Variants in ATP2B1 observed in about 807,000 individuals in gnomAD.
ATP2B1 encodes the protein ATPase plasma membrane Ca2+ transporting 1.
In ATP2B1, 14 loss-of-function variants were observed where a neutral mutation model predicts 124.2. The ratio of observed to expected loss-of-function variants is 0.11; its 90% CI spans 0.07 to 0.18. The LOEUF (loss-of-function observed/expected upper bound fraction) is 0.18, where lower values mean the gene tolerates loss of function less well. ATP2B1 is among the 10% of genes least tolerant of loss of function. The pLI, the probability that ATP2B1 is intolerant of heterozygous loss-of-function variation, is 1.00. For synonymous variants in ATP2B1, 449 were observed against 492.4 expected, an observed-to-expected ratio of 0.91 and a Z score of 1.17; for missense variants, 763 against 1,466.1, an observed-to-expected ratio of 0.52 and a Z score of 7.83.
chr12:89,624,052 T>C, intron 9 of ATP2B1, 131 bp downstream of exon 9: 1 of 795,152 alleles, frequency 1.3e-6, no homozygotes, highest in Non-Finnish European at 2.0e-6. Flanking sequence ...ACAACATTTC[T>C]AGAGAAAATA....
intron 2 of ATP2B1, among the ~76,000 whole-genome samples, chr12:89,650,911 A>AC (rs1240620768): frequency 6.6e-6 from 1 of 152,204 alleles, no homozygotes; most frequent in Non-Finnish European, 1.5e-5. Flanking sequence ...AAGATACAGA[A>AC]GAAAAAAAAA....
chr12:89,610,728 T>C (rs1399739520), intron 13 of ATP2B1: 2 of 493,282 alleles, frequency 4.1e-6, no homozygotes, highest in Admixed American at 7.4e-5. Flanking sequence ...ATAATCTTGC[T>C]AGGTGACTTT....
chr12:89,658,559 T>C (rs752393355), intron 1 of ATP2B1, among the ~76,000 whole-genome samples: 1 of 148,800 alleles, frequency 6.7e-6, no homozygotes, highest in Non-Finnish European at 1.5e-5. Flanking sequence ...TGCCAATCTG[T>C]CTTTTCTCTT....
At position 89,623,366 on chromosome 12, in the gene ATP2B1, T is replaced by A. The variant is rs533080444; in HGVS notation, c.1344+817A>T. ...GTCCAAGCTACATCTTTTTTTTTTTTATTTCCAATCCACCTTTTCCGTAAG... is the reference window on the plus strand; with the variant it reads ...GTCCAAGCTACATCTTTTTTTTTTTAATTTCCAATCCACCTTTTCCGTAAG... On this transcript the variant is annotated intron_variant, in intron 9 of 20. Transcript: ENST00000428670. Among the ~76,000 whole-genome samples, 519 of 151,664 alleles carry A rather than the reference T, an allele frequency of 3.4e-3. 1 individual carries two copies. Among genetic ancestry groups the A allele is most frequent in the African/African-American group, 0.01 (418 of 41,374 alleles).
chr12:89,615,390 C>T (rs1393963023), intron 12 of ATP2B1, among the ~76,000 whole-genome samples: 3 of 152,136 alleles, frequency 2.0e-5, no homozygotes, highest in Non-Finnish European at 2.9e-5. Context: ...CCTATGAGAA[C>T]AGGGACCAAG....
chr12:89,590,966 T>C lies in ATP2B1; in HGVS notation c.*18A>G. ...GTTTCTTTACAATGCAGCTAGTGTG[T>C]TAACATTCAGCTTACAATCAGAGTG... On this transcript the variant is annotated 3_prime_UTR_variant, in exon 21 of 21. Transcript: ENST00000428670. 6.2e-7 allele frequency: 1 copy of C among 1,602,990 alleles called. No homozygotes were observed. Among genetic ancestry groups the C allele is most frequent in the Non-Finnish European group, 8.5e-7 (1 of 1,172,016 alleles).
At chr12:89,670,132 G>A (rs1887760749) in intron 1 of ATP2B1, among the ~76,000 whole-genome samples, 1 of 152,102 alleles carries the variant, frequency 6.6e-6, no homozygotes, top group African/African-American at 2.4e-5. Context: ...ACAATATTCA[G>A]GGGGAAAGCA....
chr12:89,686,459 T>C (rs1472385180), intron 1 of ATP2B1, among the ~76,000 whole-genome samples: 1 of 152,134 alleles, frequency 6.6e-6, no homozygotes, highest in Admixed American at 6.6e-5. Context: ...TATTTTACTT[T>C]GTAGTTAGAA....
chr12:89,638,804 C>A (rs981770894), intron 3 of ATP2B1, among the ~76,000 whole-genome samples: 1 of 152,132 alleles, frequency 6.6e-6, no homozygotes, highest in Non-Finnish European at 1.5e-5. Flanking sequence ...AAGATTGCCA[C>A]AATCAGTTAA....
chr12:89,613,223 C>T (rs561506344), intron 12 of ATP2B1, among the ~76,000 whole-genome samples: 56 of 152,214 alleles, frequency 3.7e-4, no homozygotes, highest in African/African-American at 1.2e-3. Context: ...TCAGGCGATC[C>T]GTCTGCCTCA....
chr12:89,636,147 G>GA lies in ATP2B1; in HGVS notation c.407-897dup, dbSNP rs932134444. Among the ~76,000 whole-genome samples, 22 of 142,754 alleles carry GA rather than the reference G, an allele frequency of 1.5e-4. No individual in the cohort carries two copies. In the South Asian group the frequency reaches 2.7e-3, roughly 18 times the overall value. The allele number at this position is 142,754 out of a possible 152,430, so 93.7% of individuals were successfully genotyped here. Reference sequence around the variant, plus strand: ...TATTGGTAGAGAACCAGCCATCTAAGAAAAAAAAAATCCAGGGAGAGATTA... The same window carrying GA: ...TATTGGTAGAGAACCAGCCATCTAAGAAAAAAAAAAATCCAGGGAGAGATTA... On this transcript the variant is annotated intron_variant, in intron 3 of 20. Coordinates refer to ENST00000428670, the MANE Select transcript of ATP2B1 (RefSeq NM_001366521.1).
At chr12:89,628,401 CAAAAAAAAAAAAAAAAAAAAAA>C (rs567077317) in intron 6 of ATP2B1, among the ~76,000 whole-genome samples, 1 of 79,612 alleles carries the variant, frequency 1.3e-5, no homozygotes, top group Non-Finnish European at 2.3e-5. Flanking sequence ...GACTCCGTCT[CAAAAAAAAAAAAAAAAAAAAAA>C]AAAAAAAAAA....
intron 11 of ATP2B1, 113 bp downstream of exon 11, chr12:89,619,886 G>C: frequency 1.5e-6 from 2 of 1,358,798 alleles, no homozygotes; most frequent in Non-Finnish European, 2.0e-6. Context: ...AAAACTCTGA[G>C]GTCCTATCAA....
chr12:89,596,909 C>G (rs1410899811), intron 20 of ATP2B1, among the ~76,000 whole-genome samples: 1 of 152,034 alleles, frequency 6.6e-6, no homozygotes, highest in African/African-American at 2.4e-5. Flanking sequence ...TCTTTTAGTA[C>G]CAGATTATAA....
intron 10 of ATP2B1, among the ~76,000 whole-genome samples, chr12:89,620,898 T>C (rs913341184): frequency 2.0e-5 from 3 of 152,160 alleles, no homozygotes; most frequent in Non-Finnish European, 4.4e-5. Context: ...ATCCAATTCA[T>C]GTATGTTTTC....
At chr12:89,596,922 AC>A (rs1874732044) in intron 20 of ATP2B1, among the ~76,000 whole-genome samples, 1 of 152,092 alleles carries the variant, frequency 6.6e-6, no homozygotes, top group South Asian at 2.1e-4. Flanking sequence ...GATTATAATC[AC>A]TGAGGCCTCA....
chr12:89,613,435 C>T (rs764490796), intron 12 of ATP2B1, among the ~76,000 whole-genome samples: 8 of 152,166 alleles, frequency 5.3e-5, no homozygotes, highest in Non-Finnish European at 1.2e-4. Flanking sequence ...ACATCACGTG[C>T]ATTTACTCAA....
chr12:89,612,989 T>C (rs1878302851), intron 12 of ATP2B1, among the ~76,000 whole-genome samples: 1 of 148,450 alleles, frequency 6.7e-6, no homozygotes, highest in Admixed American at 6.8e-5. Flanking sequence ...GACAAGGTAC[T>C]TTTTTTTTTA....
At position 89,591,133 on chromosome 12, in the gene ATP2B1, G is replaced by A. The variant is rs1873478452; in HGVS notation, c.3514C>T (p.Pro1172Ser). ...GGAGGACTGGAGTTACGTTTTGTAG[G>A]AGCATCATCTTCGGCATCAGTGTCA... ...IDDTDAEDDA[P>S]TKRNSSPPPS... The change falls in exon 21 of 21, where the codon CCT (proline) becomes TCT (serine). Residue 1172 changes from proline (P) to serine (S), a missense_variant. Physicochemically the swap from Pro to Ser is moderately conservative, Grantham distance 74. Coordinates refer to ENST00000428670, the MANE Select transcript of ATP2B1 (RefSeq NM_001366521.1). 6.2e-7 allele frequency: 1 copy of A among 1,613,284 alleles called. No individual in the cohort carries two copies. The highest frequency in any genetic ancestry group is 8.5e-7 in the Non-Finnish European group (1 of 1,179,424).
Sources: gnomAD v4.1 joint callset for allele counts (sites outside exome capture counted in the v4.1 genomes callset) on GRCh38, gnomAD v4.1.1 for gene constraint, MANE v1.5 for transcripts, NCBI Gene and HGNC (gene_info 2026-07-23, HGNC 2026-07-21) for gene names.